The following TPD52L1 variants were observed in gnomAD, a reference collection of about 807,000 sequenced individuals.
TPD52L1 encodes TPD52 like 1.
In TPD52L1, 18 loss-of-function variants were observed where a neutral mutation model predicts 28.7. That is an observed-to-expected ratio of 0.63 (90% CI 0.43 to 0.93). TPD52L1 has a LOEUF of 0.93. TPD52L1 is among the 40% of genes least tolerant of loss of function. The probability of loss-of-function intolerance (pLI) is 0.00; values close to 1 mark genes in which losing one functional copy is unlikely to be tolerated. For missense variants in TPD52L1, 203 were observed against 254.8 expected, an observed-to-expected ratio of 0.80 and a Z score of 1.39; for synonymous variants, 75 against 88.8, an observed-to-expected ratio of 0.84 and a Z score of 0.88.
rs115729242 is a variant in TPD52L1 at position 125,175,911 on chromosome 6, A to G, written c.19+21941A>G. On this transcript the variant is annotated intron_variant, in intron 1 of 6. Coordinates refer to ENST00000534000, the MANE Select transcript of TPD52L1 (RefSeq NM_003287.4). ...AATATTGAGGAAATTCTTACAGACT[A>G]TCAGCATGAGATATGCAGCTGAGCC... Among the ~76,000 whole-genome samples, 776 of 139,052 alleles carry G rather than the reference A, an allele frequency of 5.6e-3. 6 individuals are homozygous for G. The highest frequency in any genetic ancestry group is 0.02 in the African/African-American group (727 of 37,176). The allele number at this position is 139,052 out of a possible 152,430, so 91.2% of individuals were successfully genotyped here.
intron 1 of TPD52L1, among the ~76,000 whole-genome samples, chr6:125,218,244 C>T (rs1443038037): frequency 1.3e-5 from 2 of 152,222 alleles, no homozygotes; most frequent in Non-Finnish European, 1.5e-5. Context: ...TTTGCACAGT[C>T]ACCAACATTT....
rs547584887 is a variant in TPD52L1, at chr6:125,216,352, T to C, written c.20-3726T>C. Among the ~76,000 whole-genome samples the C allele has an allele frequency of 1.5e-3, 221 of 152,000 alleles. 4 individuals carry two copies. The highest frequency in any genetic ancestry group is 5.1e-3 in the African/African-American group (213 of 41,460). On this transcript the variant is annotated intron_variant, in intron 1 of 6. Transcript: ENST00000534000. ...AGCACCTAATGACTTAGCTAGGAGA[T>C]GTTCACTGCAGCTTCCCAGCAAACA...
chr6:125,227,451 C>T (rs1293263492), intron 2 of TPD52L1, among the ~76,000 whole-genome samples: 1 of 152,158 alleles, frequency 6.6e-6, no homozygotes, highest in African/African-American at 2.4e-5. Flanking sequence ...GACTGACAGC[C>T]TGACAGGGTT....
In TPD52L1 at chr6:125,154,025, C is replaced by A. The variant is rs373505547; in HGVS notation, c.19+55C>A. 9 of 1,570,156 alleles carry A rather than the reference C, an allele frequency of 5.7e-6. No homozygotes were observed. The South Asian group carries it at 1.1e-4, about 18-fold the overall frequency. On this transcript the variant is annotated intron_variant, in intron 1 of 6. Transcript: ENST00000534000. ...AGGTCCTGGGGCGCGCATAAAGGCT[C>A]TTTTCCTGCACCACCTAACTTCGCT... is the stretch of plus-strand genomic sequence containing the variant.
chr6:125,248,582 G>T (rs1562377785), intron 4 of TPD52L1, 199 bp downstream of exon 4: 1 of 530,506 alleles, frequency 1.9e-6, no homozygotes. Flanking sequence ...GGCTTAGGTG[G>T]CCTGGTCCCA....
chr6:125,154,873 C>A (rs1037564793), intron 1 of TPD52L1, among the ~76,000 whole-genome samples: 31 of 152,084 alleles, frequency 2.0e-4, no homozygotes, highest in African/African-American at 6.7e-4. Context: ...ATCAAAGCCA[C>A]CATTCTTTTA....
rs762566190 is a variant in TPD52L1 at position 125,252,201 on chromosome 6, C to T, written c.387-1516C>T. 1.5e-5 allele frequency: 10 copies of T among 666,506 alleles called. No individual in the cohort carries two copies. The Middle Eastern group carries it at 2.2e-3, about 148-fold the overall frequency. The allele number at this position is 666,506 out of a possible 1,614,324, so 41.3% of individuals were successfully genotyped here. ...AAGATAGTTTATAGGGCACTTAATACATTTGAACTTATTGAAGTACATCTC... is the reference window on the plus strand; with the variant it reads ...AAGATAGTTTATAGGGCACTTAATATATTTGAACTTATTGAAGTACATCTC... On this transcript the variant is annotated intron_variant, in intron 4 of 6. Transcript: ENST00000534000.
intron 1 of TPD52L1, among the ~76,000 whole-genome samples, chr6:125,186,458 A>T (rs1162264117): frequency 6.6e-6 from 1 of 152,224 alleles, no homozygotes; most frequent in East Asian, 1.9e-4. Context: ...ATAGCAAAAT[A>T]TAAACTACCA....
chr6:125,189,917 C>T (rs906661121), intron 1 of TPD52L1, among the ~76,000 whole-genome samples: 1 of 151,720 alleles, frequency 6.6e-6, no homozygotes, highest in Non-Finnish European at 1.5e-5. Flanking sequence ...TGACAAAACA[C>T]ATAACAAAAA....
At chr6:125,177,401 C>A (rs1007812277) in intron 1 of TPD52L1, among the ~76,000 whole-genome samples, 10 of 152,096 alleles carry the variant, frequency 6.6e-5, no homozygotes, top group African/African-American at 2.4e-4. Context: ...CATTTTTAAT[C>A]TTTTTAATGT....
At chr6:125,203,640 C>A in intron 1 of TPD52L1, 1 of 985,364 alleles carries the variant, frequency 1.0e-6, no homozygotes, top group Non-Finnish European at 1.2e-6. Flanking sequence ...AGCAGAAACC[C>A]TTGGTGTGTG....
At chr6:125,168,540 C>T (rs113275956) in intron 1 of TPD52L1, among the ~76,000 whole-genome samples, 30,660 of 147,678 alleles carry the variant, frequency 0.21, 3,898 homozygotes, top group Admixed American at 0.33. Context: ...TTTTTTGAGA[C>T]GGAGTCTCGC....
At position 125,264,279 on chromosome 6, in the gene TPD52L1, CTATT is replaced by C. The variant is rs1798206854; in HGVS notation, c.*1320_*1323del. On this transcript the variant is annotated 3_prime_UTR_variant, in exon 7 of 7. Coordinates refer to ENST00000534000, the MANE Select transcript of TPD52L1 (RefSeq NM_003287.4). ...TAGACATCCAACCTAAAAAAAATCA[CTATT>C]TAAAAAGCCCATATAATATATACAT... 6.6e-6 allele frequency: 1 copy of C among 152,120 alleles called. No individual in the cohort carries two copies. Among genetic ancestry groups the C allele is most frequent in the Non-Finnish European group, 1.5e-5 (1 of 68,044 alleles). 9.4% of individuals were successfully genotyped at this position (152,120 alleles called of 1,614,324 possible).
rs2114961340 is a variant in TPD52L1 at position 125,220,083 on chromosome 6, T to C, written c.25T>C (p.Leu9=). 1.2e-6 allele frequency: 2 copies of C among 1,612,536 alleles called. No homozygotes were observed. Among genetic ancestry groups the C allele is most frequent in the Non-Finnish European group, 1.7e-6 (2 of 1,178,598 alleles). The stretch of plus-strand genomic sequence containing the variant: ...TTTATCAATTCTGCCTAAAGGTTTG[T>C]TGGAGACTGAACCGTTGCAAGGAAC... MEAQAQGL[L]ETEPLQGTDE... The change falls in exon 2 of 7, where the codon TTG becomes CTG. Residue 9 remains leucine, a synonymous_variant. Transcript: ENST00000534000.
intron 1 of TPD52L1, among the ~76,000 whole-genome samples, chr6:125,218,231 A>C (rs1024961888): frequency 2.0e-5 from 3 of 152,214 alleles, no homozygotes; most frequent in African/African-American, 7.2e-5. Context: ...GAGAGCTTCT[A>C]TCTTTGCACA....
At position 125,154,003 on chromosome 6, in the gene TPD52L1, T is replaced by G. The variant is rs747676972; in HGVS notation, c.19+33T>G. On this transcript the variant is annotated intron_variant, in intron 1 of 6. Transcript: ENST00000534000. ...GTCGCCGATCGCCCCGAGAGTCAGG[T>G]CCTGGGGCGCGCATAAAGGCTCTTT... 101 of 1,595,404 alleles carry G rather than the reference T, an allele frequency of 6.3e-5. No homozygotes were observed. The Admixed American group carries it at 1.5e-3, about 23-fold the overall frequency.
At chr6:125,248,819 C>A (rs1797078348) in intron 4 of TPD52L1, among the ~76,000 whole-genome samples, 1 of 151,912 alleles carries the variant, frequency 6.6e-6, no homozygotes, top group African/African-American at 2.4e-5. Flanking sequence ...CATATTTATC[C>A]TTTTATTCCA....
At chr6:125,173,416 T>A (rs1338706844) in intron 1 of TPD52L1, among the ~76,000 whole-genome samples, 2 of 152,204 alleles carry the variant, frequency 1.3e-5, no homozygotes, top group African/African-American at 4.8e-5. Context: ...GCCATTTTTC[T>A]CTTGATTAAA....
At chr6:125,154,381 G>A (rs1789971274) in intron 1 of TPD52L1, 15 of 1,000,366 alleles carry the variant, frequency 1.5e-5, no homozygotes, top group Non-Finnish European at 1.8e-5. Flanking sequence ...CCGTGGACTC[G>A]CGGCTTGTGG....
Sources: allele counts gnomAD v4.1 joint callset (sites outside exome capture counted in the v4.1 genomes callset), GRCh38; gene constraint gnomAD v4.1.1; transcripts MANE v1.5; gene names NCBI Gene and HGNC (gene_info 2026-07-23, HGNC 2026-07-21).